Variants in ATP8B4 observed in about 807,000 individuals in gnomAD.
The protein encoded by ATP8B4 is ATPase phospholipid transporting 8B4 (putative), also known as probable phospholipid-transporting ATPase IM.
A neutral mutation model predicts 145.6 loss-of-function variants in ATP8B4; 133 were observed. That is an observed-to-expected ratio of 0.91 (90% CI 0.79 to 1.05). ATP8B4 has a LOEUF of 1.05. Among genes scored for constraint, ATP8B4 ranks in the 50% least tolerant of loss-of-function variants. ATP8B4 has a pLI of 0.00. For missense variants in ATP8B4, 1,458 were observed against 1,425.2 expected (o/e 1.02, Z -0.37); for synonymous variants, 507 against 492.9 (o/e 1.03, Z -0.38).
intron 12 of ATP8B4, among the ~76,000 whole-genome samples, chr15:49,978,046 A>G (rs892404575): frequency 7.7e-6 from 1 of 129,456 alleles, no homozygotes; most frequent in African/African-American, 3.2e-5. Flanking sequence ...TGCCAACCTG[A>G]GAATCTACCT....
intron 1 of ATP8B4, among the ~76,000 whole-genome samples, chr15:50,139,928 C>T (rs768011650): frequency 1.3e-5 from 2 of 152,010 alleles, no homozygotes; most frequent in Admixed American, 1.3e-4. Flanking sequence ...TGTGTGAATA[C>T]CATATGTTCT....
At chr15:49,995,279 T>C (rs2153553883) in intron 9 of ATP8B4, among the ~76,000 whole-genome samples, 1 of 152,298 alleles carries the variant, frequency 6.6e-6, no homozygotes, top group African/African-American at 2.4e-5. Flanking sequence ...TAATAGTAAA[T>C]TATATTTAGA....
intron 1 of ATP8B4, among the ~76,000 whole-genome samples, chr15:50,170,495 A>AC (rs35629394): frequency 0.68 from 97,006 of 141,984 alleles, 34,369 homozygotes; most frequent in East Asian, 0.86. Context: ...CCATTACCAA[A>AC]CCCCCCCCAC....
chr15:50,172,700 G>C lies in ATP8B4; in HGVS notation c.-43+9561C>G, dbSNP rs578076740. ...CGTCATCCCATCTAGGAAGTGAGGAGCGTCTCTGCCTGGCTGCCCATCGTC... is the reference window on the plus strand; with the variant it reads ...CGTCATCCCATCTAGGAAGTGAGGACCGTCTCTGCCTGGCTGCCCATCGTC... On this transcript the variant is annotated intron_variant, in intron 1 of 3. Transcript: ENST00000558829. Among the ~76,000 whole-genome samples, 9 of 152,092 alleles carry C rather than the reference G, an allele frequency of 5.9e-5. No individual in the cohort carries two copies. In the East Asian group the frequency reaches 1.7e-3, roughly 29 times the overall value.
intron 27 of ATP8B4, among the ~76,000 whole-genome samples, chr15:49,861,117 T>C (rs928063854): frequency 1.3e-5 from 2 of 148,476 alleles, no homozygotes; most frequent in Non-Finnish European, 3.0e-5. Context: ...GAAAAAGACC[T>C]GAGGTTTGTT....
chr15:49,937,142 C>T (rs922497267), intron 14 of ATP8B4, among the ~76,000 whole-genome samples: 1 of 152,058 alleles, frequency 6.6e-6, no homozygotes, highest in African/African-American at 2.4e-5. Flanking sequence ...TCACATTTAT[C>T]ACAGAAATGT....
chr15:49,965,604 A>G (rs1174439234), intron 13 of ATP8B4, among the ~76,000 whole-genome samples: 1 of 152,208 alleles, frequency 6.6e-6, no homozygotes, highest in East Asian at 1.9e-4. Context: ...GCAAACAAGA[A>G]GTGGGTATTA....
chr15:50,060,718 C>T (rs1434458490), intron 3 of ATP8B4, among the ~76,000 whole-genome samples: 1 of 152,122 alleles, frequency 6.6e-6, no homozygotes, highest in African/African-American at 2.4e-5. Flanking sequence ...TTCAGAACTT[C>T]TGAAACTCAA....
chr15:49,996,566 T>C, intron 9 of ATP8B4, 111 bp downstream of exon 9: 1 of 873,194 alleles, frequency 1.1e-6, no homozygotes, highest in Non-Finnish European at 1.7e-6. Flanking sequence ...CCTGGAGAAT[T>C]TGATGTCCTT....
At chr15:49,861,607 G>A (rs887170090) in intron 27 of ATP8B4, among the ~76,000 whole-genome samples, 3 of 151,904 alleles carry the variant, frequency 2.0e-5, no homozygotes, top group Non-Finnish European at 2.9e-5. Context: ...TCCTTTTCAC[G>A]CTTTATCTGA....
At chr15:49,929,638 A>C (rs2041073621) in intron 16 of ATP8B4, among the ~76,000 whole-genome samples, 1 of 152,090 alleles carries the variant, frequency 6.6e-6, no homozygotes, top group African/African-American at 2.4e-5. Context: ...GGAGCTAAAA[A>C]GAGAAAAGGA....
intron 16 of ATP8B4, among the ~76,000 whole-genome samples, chr15:49,928,311 T>C (rs570584821): frequency 6.6e-6 from 1 of 152,210 alleles, no homozygotes; most frequent in East Asian, 1.9e-4. Flanking sequence ...AATTGGACAT[T>C]ACCAGATGAG....
chr15:49,996,574 C>A, intron 9 of ATP8B4, 103 bp downstream of exon 9: 1 of 939,670 alleles, frequency 1.1e-6, no homozygotes, highest in Non-Finnish European at 1.6e-6. Context: ...ATTTGATGTC[C>A]TTCCACCAAA....
chr15:50,061,385 A>T (rs954473488), intron 3 of ATP8B4, among the ~76,000 whole-genome samples: 60 of 152,194 alleles, frequency 3.9e-4, no homozygotes, highest in Admixed American at 1.2e-3. Context: ...TCTTATTTTT[A>T]AAAAATGTAC....
chr15:50,074,100 C>G (rs369520430), intron 3 of ATP8B4, 27 bp downstream of exon 3: 2 of 1,593,868 alleles, frequency 1.3e-6, no homozygotes, highest in South Asian at 2.2e-5. Context: ...TATCCTAGTA[C>G]GTATGTGTTA....
intron 3 of ATP8B4, among the ~76,000 whole-genome samples, chr15:50,054,803 A>AC (rs1567274450): frequency 1.5e-4 from 20 of 136,668 alleles, no homozygotes; most frequent in African/African-American, 6.4e-4. Flanking sequence ...AAAAAAAAAA[A>AC]AAAAAACAAA....
intron 6 of ATP8B4, among the ~76,000 whole-genome samples, chr15:50,024,109 C>A (rs1292024635): frequency 6.6e-6 from 1 of 152,162 alleles, no homozygotes; most frequent in African/African-American, 2.4e-5. Flanking sequence ...ATGCATCTAG[C>A]AGTTTAGCTA....
chr15:49,934,169 A>G lies in ATP8B4; in HGVS notation c.1301T>C (p.Val434Ala), dbSNP rs1273532150. 6.2e-7 allele frequency: 1 copy of G among 1,610,240 alleles called. No individual in the cohort carries two copies. Among genetic ancestry groups the G allele is most frequent in the Admixed American group, 1.7e-5 (1 of 59,202 alleles). Residue 434 changes from valine (V) to alanine (A), a missense_variant, in exon 15 of 28, where the codon GTG becomes GCG. Coordinates refer to ENST00000284509, the MANE Select transcript of ATP8B4 (RefSeq NM_024837.4). Reference protein sequence around the residue: ...KTEITQEKEPVDFSVKSQADR... With the variant: ...KTEITQEKEPADFSVKSQADR... ...CGCTTGAGATTTGACTGAGAAATCC[A>G]CAGGCTCTTTTTCCTGTAGGAGAAC...
chr15:50,086,136 A>AT (rs1292606756), intron 2 of ATP8B4, among the ~76,000 whole-genome samples: 4 of 101,074 alleles, frequency 4.0e-5, no homozygotes, highest in Non-Finnish European at 7.1e-5. Context: ...TATATAATAA[A>AT]ATAGATCTAT....
Sources: gnomAD v4.1 joint callset for allele counts (sites outside exome capture counted in the v4.1 genomes callset) on GRCh38, gnomAD v4.1.1 for gene constraint, MANE v1.5 for transcripts, NCBI Gene and HGNC (gene_info 2026-07-23, HGNC 2026-07-21) for gene names.